FCHSD2: variants seen among roughly 807,000 people sequenced by gnomAD.
FCHSD2 encodes F-BAR and double SH3 domains protein 2.
A neutral mutation model predicts 108.1 loss-of-function variants in FCHSD2; 38 were observed. The ratio of observed to expected loss-of-function variants is 0.35; its 90% CI spans 0.27 to 0.46. The LOEUF is 0.46. Among genes scored for constraint, FCHSD2 ranks in the 20% least tolerant of loss-of-function variants. The pLI is 1.00. For missense variants in FCHSD2, 751 were observed against 897.8 expected (o/e 0.84, Z 2.09); for synonymous variants, 279 against 314.7 (o/e 0.89, Z 1.20).
intron 11 of FCHSD2, among the ~76,000 whole-genome samples, chr11:72,889,015 C>T (rs1215769458): frequency 1.3e-5 from 2 of 151,968 alleles, no homozygotes; most frequent in Non-Finnish European, 1.5e-5. Context: ...AGTGCAGTGG[C>T]GTGATCTCAG....
chr11:72,883,931 C>CAA (rs34998210), intron 12 of FCHSD2, among the ~76,000 whole-genome samples: 11 of 74,534 alleles, frequency 1.5e-4, no homozygotes, highest in Non-Finnish European at 1.8e-4. Flanking sequence ...GACCGTGTCT[C>CAA]AAAAAAAAAA....
chr11:72,864,004 T>C (rs954738292), intron 13 of FCHSD2, among the ~76,000 whole-genome samples: 9 of 152,224 alleles, frequency 5.9e-5, no homozygotes, highest in South Asian at 2.1e-4. Flanking sequence ...AAACTCCTTA[T>C]CTTACCCTTA....
intron 8 of FCHSD2, among the ~76,000 whole-genome samples, chr11:72,944,300 A>G (rs1029857752): frequency 1.3e-5 from 2 of 152,238 alleles, no homozygotes; most frequent in Non-Finnish European, 2.9e-5. Context: ...GACAAAAACC[A>G]TATGATTATC....
chr11:72,999,016 C>T (rs914464891), intron 5 of FCHSD2, among the ~76,000 whole-genome samples: 10 of 152,302 alleles, frequency 6.6e-5, no homozygotes, highest in African/African-American at 2.4e-4. Context: ...TGAAGCCATT[C>T]AGAAAAGCAG....
intron 7 of FCHSD2, among the ~76,000 whole-genome samples, chr11:72,984,847 T>C (rs1389514454): frequency 2.6e-5 from 4 of 152,236 alleles, no homozygotes; most frequent in Non-Finnish European, 4.4e-5. Flanking sequence ...CAGAAACTTA[T>C]CCCTAATGCA....
At chr11:73,135,443 T>G (rs1861100676) in intron 2 of FCHSD2, among the ~76,000 whole-genome samples, 1 of 152,220 alleles carries the variant, frequency 6.6e-6, no homozygotes, top group Non-Finnish European at 1.5e-5. Context: ...AAGAAGGTAG[T>G]TCTTTAAATT....
At chr11:72,930,206 A>G (rs990818595) in intron 8 of FCHSD2, among the ~76,000 whole-genome samples, 7 of 152,176 alleles carry the variant, frequency 4.6e-5, no homozygotes, top group Admixed American at 3.9e-4. Flanking sequence ...CCCGCTGCTG[A>G]AACTGCCTGT....
chr11:72,839,645 G>A (rs1000091446), intron 19 of FCHSD2, among the ~76,000 whole-genome samples: 2 of 152,074 alleles, frequency 1.3e-5, no homozygotes, highest in Admixed American at 6.6e-5. Context: ...AGTAGGATGG[G>A]GGTTCCATTT....
chr11:72,999,586 C>T (rs1857584969), intron 5 of FCHSD2, among the ~76,000 whole-genome samples: 1 of 152,122 alleles, frequency 6.6e-6, no homozygotes, highest in Non-Finnish European at 1.5e-5. Flanking sequence ...ATCCAAAGTG[C>T]TGGGATTACA....
chr11:72,894,222 C>A (rs1855374287), intron 10 of FCHSD2, among the ~76,000 whole-genome samples: 1 of 152,122 alleles, frequency 6.6e-6, no homozygotes, highest in Non-Finnish European at 1.5e-5. Flanking sequence ...ATTTGTACTA[C>A]TTACATTTTT....
At chr11:73,121,411 A>C (rs536243062) in intron 2 of FCHSD2, among the ~76,000 whole-genome samples, 38 of 152,214 alleles carry the variant, frequency 2.5e-4, no homozygotes, top group Non-Finnish European at 5.1e-4. Flanking sequence ...ATACCAGAAA[A>C]GGCCTCATAA....
chr11:72,902,016 A>G (rs1057088302), intron 10 of FCHSD2, among the ~76,000 whole-genome samples: 1 of 152,024 alleles, frequency 6.6e-6, no homozygotes, highest in Non-Finnish European at 1.5e-5. Context: ...CTGGGATTAC[A>G]GGGGCCCACG....
At chr11:72,939,532 T>C (rs1302702200) in intron 8 of FCHSD2, among the ~76,000 whole-genome samples, 1 of 151,918 alleles carries the variant, frequency 6.6e-6, no homozygotes, top group African/African-American at 2.4e-5. Context: ...TTCAGTTTCT[T>C]GGTTAGAATT....
chr11:72,937,195 A>G (rs2135335697), intron 8 of FCHSD2, among the ~76,000 whole-genome samples: 1 of 152,336 alleles, frequency 6.6e-6, no homozygotes, highest in African/African-American at 2.4e-5. Context: ...CTTTTGGGGA[A>G]ACTAAAACAG....
chr11:72,907,138 C>T (rs1855646410), intron 9 of FCHSD2, among the ~76,000 whole-genome samples: 1 of 151,944 alleles, frequency 6.6e-6, no homozygotes, highest in Non-Finnish European at 1.5e-5. Flanking sequence ...CATTATTTGG[C>T]TCTCTATTAC....
At chr11:72,976,176 C>T (rs1298645090) in intron 8 of FCHSD2, among the ~76,000 whole-genome samples, 2 of 152,092 alleles carry the variant, frequency 1.3e-5, no homozygotes, top group African/African-American at 4.8e-5. Context: ...AATATACAGA[C>T]AGAGAAAGAT....
chr11:72,972,343 T>C (rs1857022741), intron 8 of FCHSD2, among the ~76,000 whole-genome samples: 1 of 152,220 alleles, frequency 6.6e-6, no homozygotes, highest in African/African-American at 2.4e-5. Flanking sequence ...CTTAGACCTC[T>C]ATAAGAAATT....
chr11:72,872,974 A>C (rs1854892621), intron 12 of FCHSD2, among the ~76,000 whole-genome samples: 1 of 152,194 alleles, frequency 6.6e-6, no homozygotes, highest in Admixed American at 6.5e-5. Context: ...GACTCTAGCC[A>C]TGCTAGTGGA....
intron 5 of FCHSD2, among the ~76,000 whole-genome samples, chr11:72,992,023 GC>G (rs1271452443): frequency 6.6e-6 from 1 of 152,168 alleles, no homozygotes; most frequent in Non-Finnish European, 1.5e-5. Flanking sequence ...CATCGTCTCA[GC>G]CCAAAATCTC....
Sources: allele counts gnomAD v4.1 joint callset (sites outside exome capture counted in the v4.1 genomes callset), GRCh38; gene constraint gnomAD v4.1.1; transcripts MANE v1.5; gene names NCBI Gene and HGNC (gene_info 2026-07-23, HGNC 2026-07-21).